The following PLAC1 variants were observed in gnomAD, a reference collection of about 807,000 sequenced individuals.
PLAC1 encodes the protein placenta associated 1, also known as placenta-specific protein 1.
For synonymous variants in PLAC1, 68 were observed against 62.1 expected (o/e 1.09, Z -0.44); for missense variants, 136 against 163.2 (o/e 0.83, Z 0.91).
chrX:134,737,502 G>A (rs183998638), intron 1 of PLAC1, among the ~76,000 whole-genome samples: 3 of 112,765 alleles, frequency 2.7e-5, no homozygotes, highest in African/African-American at 9.6e-5. Flanking sequence ...TCTGAAGCAA[G>A]TCACCTGCCT....
intron 2 of PLAC1, among the ~76,000 whole-genome samples, chrX:134,671,480 G>A (rs2078455018): frequency 9.0e-6 from 1 of 110,701 alleles, no homozygotes; most frequent in Non-Finnish European, 1.9e-5. Context: ...GGGTTTAATT[G>A]ACTCATAGTT....
At position 134,571,662 on chromosome X, in the gene PLAC1, C is replaced by T. The variant is rs57794178; in HGVS notation, c.-58-4922G>A. ...TTTAATCTCAGGACCCCAAAAAAAT[C>T]CTTTTAAAAAGAGACAAAAGCTGAA... On this transcript the variant is annotated intron_variant, in intron 2 of 2. Transcript: ENST00000359237. Among the ~76,000 whole-genome samples, 327 of 111,753 alleles carry T rather than the reference C, an allele frequency of 2.9e-3. 5 individuals are homozygous for T. Among genetic ancestry groups the T allele is most frequent in the African/African-American group, 0.01 (310 of 30,783 alleles).
chrX:134,745,446 C>G (rs775887967), intron 1 of PLAC1, among the ~76,000 whole-genome samples: 5 of 111,956 alleles, frequency 4.5e-5, no homozygotes, highest in Non-Finnish European at 9.4e-5. Context: ...CAAAACTATA[C>G]TTACGTTAAA....
chrX:134,627,900 G>A (rs1285263495), intron 1 of PLAC1, among the ~76,000 whole-genome samples: 1 of 111,423 alleles, frequency 9.0e-6, no homozygotes, highest in Non-Finnish European at 1.9e-5. Flanking sequence ...GGAATTAAGG[G>A]AGACCTGGAT....
chrX:134,631,163 T>C (rs915739654), intron 1 of PLAC1, among the ~76,000 whole-genome samples: 4 of 112,566 alleles, frequency 3.6e-5, no homozygotes, highest in African/African-American at 1.3e-4. Context: ...TGGTATAATA[T>C]TGTGAACGTA....
At chrX:134,729,950 C>T (rs974328854) in intron 2 of PLAC1, among the ~76,000 whole-genome samples, 3 of 110,659 alleles carry the variant, frequency 2.7e-5, no homozygotes, top group African/African-American at 9.9e-5. Flanking sequence ...CACCACCACA[C>T]CCGGCTAACT....
chrX:134,692,014 G>A (rs1034905189), intron 2 of PLAC1, among the ~76,000 whole-genome samples: 1 of 112,222 alleles, frequency 8.9e-6, no homozygotes, highest in African/African-American at 3.2e-5. Context: ...ACATGCAGAT[G>A]TATATTAGAA....
At chrX:134,580,800 C>T (rs2077970236) in intron 2 of PLAC1, among the ~76,000 whole-genome samples, 1 of 111,920 alleles carries the variant, frequency 8.9e-6, no homozygotes, top group Admixed American at 9.5e-5. Context: ...TTCAATGTAA[C>T]ACATTTATTC....
intron 2 of PLAC1, among the ~76,000 whole-genome samples, chrX:134,574,867 C>T (rs1329297471): frequency 9.0e-6 from 1 of 111,184 alleles, no homozygotes; most frequent in African/African-American, 3.3e-5. Flanking sequence ...TGCTAGAGTC[C>T]CCAAGTTTAC....
intron 2 of PLAC1, among the ~76,000 whole-genome samples, chrX:134,582,419 T>C (rs1444691273): frequency 8.0e-5 from 9 of 112,309 alleles, no homozygotes; most frequent in African/African-American, 2.9e-4. Flanking sequence ...AGATTTTGTA[T>C]GTGGGAGATT....
intron 1 of PLAC1, among the ~76,000 whole-genome samples, chrX:134,630,725 G>A (rs1483580312): frequency 1.8e-5 from 2 of 111,829 alleles, no homozygotes; most frequent in Non-Finnish European, 3.8e-5. Flanking sequence ...CTACTAGTGC[G>A]ATCTTGGCCA....
intron 1 of PLAC1, among the ~76,000 whole-genome samples, chrX:134,734,136 G>T (rs1313599287): frequency 1.8e-5 from 2 of 112,517 alleles, no homozygotes; most frequent in Non-Finnish European, 3.8e-5. Flanking sequence ...GGAACATTCT[G>T]GAGGGAGCCA....
At chrX:134,570,906 A>G (rs1438948944) in intron 2 of PLAC1, among the ~76,000 whole-genome samples, 1 of 112,556 alleles carries the variant, frequency 8.9e-6, no homozygotes, top group Non-Finnish European at 1.9e-5. Context: ...AAAAAATCAT[A>G]AAACATTTCA....
At position 134,737,963 on chromosome X, in the gene PLAC1, C is replaced by A. The variant is rs760574118; in HGVS notation, n.90-4444G>T. On this transcript the variant is annotated intron_variant and non_coding_transcript_variant, in intron 1 of 2. Transcript: ENST00000466797. ...CAAGTAGGGGAGGGCGAGGCTGATG[C>A]AATCACAGAGGGAGGAAAAGAATCT... Among the ~76,000 whole-genome samples, 3 of 111,534 alleles carry A rather than the reference C, an allele frequency of 2.7e-5. No homozygotes were observed. The East Asian group carries it at 8.5e-4, about 32-fold the overall frequency.
intron 2 of PLAC1, among the ~76,000 whole-genome samples, chrX:134,706,181 C>A (rs779445242): frequency 8.9e-6 from 1 of 112,627 alleles, no homozygotes; most frequent in African/African-American, 3.2e-5. Flanking sequence ...CTCTCTACTC[C>A]CGGCAAATAT....
intron 1 of PLAC1, among the ~76,000 whole-genome samples, chrX:134,609,509 T>C (rs745504044): frequency 8.9e-6 from 1 of 112,129 alleles, no homozygotes; most frequent in Non-Finnish European, 1.9e-5. Flanking sequence ...CTGAGAGCCA[T>C]CTGAGAAGCA....
chrX:134,678,249 C>T (rs767622642), intron 2 of PLAC1, among the ~76,000 whole-genome samples: 4 of 112,075 alleles, frequency 3.6e-5, no homozygotes, highest in South Asian at 3.8e-4. Context: ...CAACACCCTG[C>T]GTGCTCTGGT....
chrX:134,646,465 C>T (rs1019192162), intron 1 of PLAC1, among the ~76,000 whole-genome samples: 2 of 112,353 alleles, frequency 1.8e-5, no homozygotes, highest in African/African-American at 6.5e-5. Flanking sequence ...TGGTGACTTA[C>T]ATTTAGATTT....
At chrX:134,754,940 T>C (rs1423902937) in intron 1 of PLAC1, among the ~76,000 whole-genome samples, 1 of 110,857 alleles carries the variant, frequency 9.0e-6, no homozygotes, top group Non-Finnish European at 1.9e-5. Flanking sequence ...CAATAAATTA[T>C]TTTTCAGTTT....
Sources: allele counts gnomAD v4.1 joint callset (sites outside exome capture counted in the v4.1 genomes callset), GRCh38; gene constraint gnomAD v4.1.1; transcripts MANE v1.5; gene names NCBI Gene and HGNC (gene_info 2026-07-23, HGNC 2026-07-21).